GRID1: variants seen among roughly 807,000 people sequenced by gnomAD.
The protein encoded by GRID1 is glutamate receptor ionotropic, delta-1.
In GRID1, 28 loss-of-function variants were observed where a neutral mutation model predicts 98.0. The observed-to-expected ratio is 0.29, with a 90% CI of 0.21 to 0.39. GRID1 has a LOEUF of 0.39. Ranked by LOEUF, GRID1 falls within the 10% of genes least tolerant of loss-of-function variation. GRID1 has a pLI of 1.00. For synonymous variants in GRID1, 553 were observed against 538.5 expected (o/e 1.03, Z -0.37); for missense variants, 1,111 against 1,340.5 (o/e 0.83, Z 2.67).
chr10:85,854,716 A>C, intron 7 of GRID1, 101 bp from the exon 8 acceptor site: 1 of 1,232,968 alleles, frequency 8.1e-7, no homozygotes, highest in Non-Finnish European at 1.2e-6. Flanking sequence ...AGAACGGAGC[A>C]ATCAGTTTTG....
At chr10:86,210,188 T>C (rs1378145393) in intron 2 of GRID1, among the ~76,000 whole-genome samples, 4 of 152,100 alleles carry the variant, frequency 2.6e-5, no homozygotes. Flanking sequence ...ACTTAGAACC[T>C]TTCAGGGTCT....
At chr10:86,040,677 T>C (rs1222262964) in intron 4 of GRID1, among the ~76,000 whole-genome samples, 1 of 152,134 alleles carries the variant, frequency 6.6e-6, no homozygotes, top group African/African-American at 2.4e-5. Flanking sequence ...TCTGATCCAT[T>C]GCAAAGTAGG....
intron 4 of GRID1, among the ~76,000 whole-genome samples, chr10:85,917,625 G>A (rs1190236393): frequency 6.6e-6 from 1 of 152,210 alleles, no homozygotes; most frequent in African/African-American, 2.4e-5. Flanking sequence ...ATGAGGCATG[G>A]AGGTGTCGGG....
In GRID1 at chr10:86,136,073, T is replaced by C. The variant is rs558554226; in HGVS notation, c.726+2746A>G. 9.8e-5 allele frequency among the ~76,000 whole-genome samples: 15 copies of C among 152,312 alleles called. No individual in the cohort carries two copies. In the South Asian group the frequency reaches 3.1e-3, roughly 32 times the overall value. Reference sequence around the variant, plus strand: ...AAATTCAGGACATGTTCTGGCAGTGTGTCATCCTTGTGAACATCGTTTGTC... The same window carrying C: ...AAATTCAGGACATGTTCTGGCAGTGCGTCATCCTTGTGAACATCGTTTGTC... On this transcript the variant is annotated intron_variant, in intron 4 of 15. Coordinates refer to ENST00000327946, the MANE Select transcript of GRID1 (RefSeq NM_017551.3).
At chr10:86,324,628 C>T (rs1302489639) in intron 2 of GRID1, among the ~76,000 whole-genome samples, 1 of 152,092 alleles carries the variant, frequency 6.6e-6, no homozygotes, top group Non-Finnish European at 1.5e-5. Flanking sequence ...AAAGAAAACA[C>T]AGTTGATTCA....
At chr10:86,139,241 T>A (rs4934157) in intron 3 of GRID1, among the ~76,000 whole-genome samples, 2 of 152,000 alleles carry the variant, frequency 1.3e-5, no homozygotes, top group African/African-American at 2.4e-5. Context: ...TGTCTCCCCC[T>A]ACAGGTTGGA....
intron 8 of GRID1, among the ~76,000 whole-genome samples, chr10:85,827,659 G>A (rs1296109040): frequency 6.7e-6 from 1 of 149,278 alleles, no homozygotes; most frequent in Non-Finnish European, 1.5e-5. Flanking sequence ...AGACCAAACA[G>A]ACTAAGCCAA....
chr10:86,254,526 G>A (rs1472395097), intron 2 of GRID1, among the ~76,000 whole-genome samples: 4 of 152,204 alleles, frequency 2.6e-5, no homozygotes, highest in Non-Finnish European at 5.9e-5. Context: ...AACTACCGTA[G>A]CTGCTCCTTA....
intron 4 of GRID1, among the ~76,000 whole-genome samples, chr10:85,951,535 CG>C (rs1564633893): frequency 6.6e-6 from 1 of 152,180 alleles, no homozygotes; most frequent in East Asian, 1.9e-4. Context: ...AGGTTCATTT[CG>C]TATGCTGGTT....
chr10:85,924,451 G>T (rs1841747805), intron 4 of GRID1, among the ~76,000 whole-genome samples: 1 of 152,188 alleles, frequency 6.6e-6, no homozygotes, highest in Non-Finnish European at 1.5e-5. Context: ...CCTTTAGGAG[G>T]TGATGGAAAC....
chr10:86,086,747 GAT>G (rs888885309), intron 4 of GRID1, among the ~76,000 whole-genome samples: 4 of 152,306 alleles, frequency 2.6e-5, no homozygotes, highest in African/African-American at 9.6e-5. Context: ...TATGTGCACA[GAT>G]ATATGTGTGT....
chr10:85,759,987 C>T (rs937053551), intron 8 of GRID1, among the ~76,000 whole-genome samples: 7 of 152,174 alleles, frequency 4.6e-5, no homozygotes, highest in African/African-American at 7.2e-5. Flanking sequence ...TGCTCTCTCT[C>T]GCCCCATATC....
At chr10:86,203,109 A>G (rs78271926) in intron 3 of GRID1, among the ~76,000 whole-genome samples, 2,191 of 152,350 alleles carry the variant, frequency 0.014, 49 homozygotes, top group African/African-American at 0.05. Context: ...GGTGGCTAGA[A>G]TGAAGTAAAA....
intron 4 of GRID1, among the ~76,000 whole-genome samples, chr10:86,107,809 G>A (rs1019619174): frequency 2.0e-5 from 3 of 152,148 alleles, no homozygotes; most frequent in African/African-American, 7.2e-5. Flanking sequence ...GAACAACGCA[G>A]AATTTGGCCA....
intron 4 of GRID1, among the ~76,000 whole-genome samples, chr10:86,077,640 C>T (rs369701909): frequency 3.3e-5 from 5 of 152,324 alleles, no homozygotes; most frequent in Non-Finnish European, 7.3e-5. Context: ...GCCAGTGATT[C>T]GTGTGCGTTG....
chr10:85,781,049 G>A (rs1322578728), intron 8 of GRID1, among the ~76,000 whole-genome samples: 1 of 152,204 alleles, frequency 6.6e-6, no homozygotes, highest in East Asian at 1.9e-4. Context: ...TCCTGGGAAG[G>A]AATGATTTTC....
chr10:85,930,305 C>G (rs1325247453), intron 4 of GRID1, among the ~76,000 whole-genome samples: 2 of 141,060 alleles, frequency 1.4e-5, no homozygotes, highest in African/African-American at 5.2e-5. Context: ...CTACAAATAA[C>G]TTGCGGTTAT....
chr10:86,102,576 A>G (rs1235331791), intron 4 of GRID1, among the ~76,000 whole-genome samples: 1 of 152,234 alleles, frequency 6.6e-6, no homozygotes, highest in African/African-American at 2.4e-5. Context: ...TAAACAGAGA[A>G]TAATCATTCT....
At chr10:86,261,477 G>C (rs1401334495) in intron 2 of GRID1, among the ~76,000 whole-genome samples, 1 of 152,132 alleles carries the variant, frequency 6.6e-6, no homozygotes, top group African/African-American at 2.4e-5. Context: ...CAAGGACAGA[G>C]ACCTCATCTG....
Sources: gnomAD v4.1 joint callset for allele counts (sites outside exome capture counted in the v4.1 genomes callset) on GRCh38, gnomAD v4.1.1 for gene constraint, MANE v1.5 for transcripts, NCBI Gene and HGNC (gene_info 2026-07-23, HGNC 2026-07-21) for gene names.